AUTS2: variants seen among roughly 807,000 people sequenced by gnomAD.
AUTS2 encodes the protein autism susceptibility gene 2 protein.
A neutral mutation model predicts 112.4 loss-of-function variants in AUTS2; 17 were observed. The observed-to-expected ratio is 0.15, with a 90% confidence interval of 0.10 to 0.23. AUTS2 has a LOEUF of 0.23. Ranked by LOEUF, AUTS2 falls within the 10% of genes least tolerant of loss-of-function variation. The pLI is 1.00. For missense variants in AUTS2, 1,510 were observed against 1,701.6 expected (o/e 0.89, Z 1.98); for synonymous variants, 751 against 702.7 (o/e 1.07, Z -1.09).
chr7:70,257,177 A>C (rs542522602), intron 4 of AUTS2, among the ~76,000 whole-genome samples: 55 of 152,118 alleles, frequency 3.6e-4, no homozygotes, highest in Admixed American at 2.8e-3. Context: ...GTCTCACTCT[A>C]TTACCCAGGC....
chr7:70,268,654 T>C (rs1014979506), intron 4 of AUTS2, among the ~76,000 whole-genome samples: 2 of 152,206 alleles, frequency 1.3e-5, no homozygotes, highest in African/African-American at 4.8e-5. Context: ...AACTACATAG[T>C]TTAATTAGTG....
intron 4 of AUTS2, among the ~76,000 whole-genome samples, chr7:70,332,057 AAAACCCC>A (rs757346393): frequency 2.8e-4 from 42 of 152,318 alleles, no homozygotes; most frequent in Non-Finnish European, 5.3e-4. Context: ...GTATATTTAG[AAAACCCC>A]ATTGTCTCAG....
intron 4 of AUTS2, among the ~76,000 whole-genome samples, chr7:70,315,395 T>C (rs1789947077): frequency 6.6e-6 from 1 of 152,240 alleles, no homozygotes; most frequent in African/African-American, 2.4e-5. Context: ...AATTAGTTTT[T>C]CTGAGTATGT....
At chr7:70,187,537 A>G (rs1307860608) in intron 4 of AUTS2, among the ~76,000 whole-genome samples, 3 of 152,174 alleles carry the variant, frequency 2.0e-5, no homozygotes, top group African/African-American at 7.2e-5. Flanking sequence ...TTAAGAGGCC[A>G]TCTTCTGAAA....
At chr7:69,685,523 G>A (rs1330632923) in intron 1 of AUTS2, among the ~76,000 whole-genome samples, 2 of 152,172 alleles carry the variant, frequency 1.3e-5, no homozygotes, top group Non-Finnish European at 2.9e-5. Flanking sequence ...AGGTAAACAA[G>A]TAGTTGTGGA....
chr7:70,747,083 A>G (rs1788499870), intron 6 of AUTS2, among the ~76,000 whole-genome samples: 1 of 152,106 alleles, frequency 6.6e-6, no homozygotes, highest in Non-Finnish European at 1.5e-5. Flanking sequence ...GCTGGAGGTA[A>G]TGGTAGGACA....
intron 2 of AUTS2, among the ~76,000 whole-genome samples, chr7:69,967,496 A>G (rs1797679502): frequency 6.6e-6 from 1 of 152,132 alleles, no homozygotes; most frequent in East Asian, 1.9e-4. Context: ...TTCCGGAGCA[A>G]GATCACACAC....
At chr7:70,510,113 C>G (rs1172215583) in intron 5 of AUTS2, among the ~76,000 whole-genome samples, 1 of 152,114 alleles carries the variant, frequency 6.6e-6, no homozygotes, top group Admixed American at 6.6e-5. Context: ...CTGTGAGCCA[C>G]CAGGAGCCTG....
At chr7:70,054,648 C>A (rs1289231749) in intron 2 of AUTS2, among the ~76,000 whole-genome samples, 1 of 152,138 alleles carries the variant, frequency 6.6e-6, no homozygotes, top group Non-Finnish European at 1.5e-5. Flanking sequence ...ATCACGGCTT[C>A]TTTTTCTAAA....
chr7:70,641,532 A>G (rs578154535), intron 5 of AUTS2, among the ~76,000 whole-genome samples: 2 of 152,338 alleles, frequency 1.3e-5, no homozygotes, highest in South Asian at 2.1e-4. Flanking sequence ...AGCCTGGGCA[A>G]CAGAGCGAGA....
intron 6 of AUTS2, among the ~76,000 whole-genome samples, chr7:70,761,942 T>G (rs1304581151): frequency 6.6e-6 from 1 of 152,182 alleles, no homozygotes; most frequent in African/African-American, 2.4e-5. Flanking sequence ...TTATTTCAGT[T>G]CCCGTTTGCA....
At chr7:70,377,319 AATATAAATATATAT>A (rs1244635643) in intron 4 of AUTS2, among the ~76,000 whole-genome samples, 2 of 77,014 alleles carry the variant, frequency 2.6e-5, no homozygotes, top group Admixed American at 1.5e-4. Context: ...CAAACAAACA[AATATAAATATATAT>A]ATATATATAT....
At chr7:70,244,851 G>A (rs897339907) in intron 4 of AUTS2, among the ~76,000 whole-genome samples, 7 of 151,988 alleles carry the variant, frequency 4.6e-5, no homozygotes, top group Admixed American at 1.3e-4. Context: ...CGGGTGCGGC[G>A]GTTCACACCT....
At chr7:70,593,940 A>T (rs1244341933) in intron 5 of AUTS2, among the ~76,000 whole-genome samples, 1 of 152,216 alleles carries the variant, frequency 6.6e-6, no homozygotes, top group Admixed American at 6.5e-5. Flanking sequence ...GCACAGCGTC[A>T]TAGAACATCA....
intron 1 of AUTS2, among the ~76,000 whole-genome samples, chr7:69,668,575 C>T (rs546579609): frequency 2.0e-4 from 30 of 152,316 alleles, no homozygotes; most frequent in African/African-American, 7.0e-4. Flanking sequence ...AATATCTTTT[C>T]TCTTTCCCAT....
At position 70,641,861 on chromosome 7, in the gene AUTS2, GC is replaced by G. The variant is rs146592393; in HGVS notation, c.691-56706del. Among the ~76,000 whole-genome samples, 1,037 of 152,210 alleles carry G rather than the reference GC, an allele frequency of 6.8e-3. 6 individuals are homozygous for G. Among genetic ancestry groups the G allele is most frequent in the Middle Eastern group, 0.014 (4 of 294 alleles). On this transcript the variant is annotated intron_variant, in intron 5 of 18. Transcript: ENST00000342771. ...CTCCACATAACATTTTTAGAATCTG[GC>G]CTTGCTGGTGGTTGCACATGTGTTT...
intron 2 of AUTS2, among the ~76,000 whole-genome samples, chr7:70,018,809 G>A (rs534886549): frequency 7.7e-4 from 117 of 152,206 alleles, no homozygotes; most frequent in African/African-American, 2.8e-3. Flanking sequence ...ATACAATGTT[G>A]GTAGGAATGT....
intron 4 of AUTS2, among the ~76,000 whole-genome samples, chr7:70,186,485 C>T (rs1190900109): frequency 6.6e-6 from 1 of 151,896 alleles, no homozygotes; most frequent in Non-Finnish European, 1.5e-5. Flanking sequence ...ATTCCTGAAC[C>T]AAAAGATAAG....
intron 2 of AUTS2, among the ~76,000 whole-genome samples, chr7:69,984,406 C>CAAAA (rs34689325): frequency 1.2e-5 from 1 of 80,590 alleles, no homozygotes; most frequent in Admixed American, 1.4e-4. Flanking sequence ...GACTCTGTCT[C>CAAAA]AAAAAAAAAA....
Sources: gnomAD v4.1 joint callset for allele counts (sites outside exome capture counted in the v4.1 genomes callset) on GRCh38, gnomAD v4.1.1 for gene constraint, MANE v1.5 for transcripts, NCBI Gene and HGNC (gene_info 2026-07-23, HGNC 2026-07-21) for gene names.